Variants in SLC24A2 observed in about 807,000 individuals in gnomAD.
SLC24A2 encodes the protein solute carrier family 24 member 2, also known as sodium/potassium/calcium exchanger 2.
In SLC24A2, 36 loss-of-function variants were observed where a neutral mutation model predicts 62.0. The ratio of observed to expected loss-of-function variants is 0.58; its 90% CI spans 0.44 to 0.77. The LOEUF is 0.77. Ranked by LOEUF, SLC24A2 falls within the 30% of genes least tolerant of loss-of-function variation. SLC24A2 has a pLI of 0.00. For missense variants in SLC24A2, 846 were observed against 817.9 expected (o/e 1.03, Z -0.42); for synonymous variants, 358 against 294.0 (o/e 1.22, Z -2.23).
chr9:20,079,482 C>T, the SLC24A2 span, among the ~76,000 whole-genome samples: 1 of 151,954 alleles, frequency 6.6e-6, no homozygotes, highest in Non-Finnish European at 1.5e-5. Context: ...TTTTGTTTTC[C>T]CACTTATTTT....
chr9:19,564,785 A>G, intron 7 of SLC24A2, among the ~76,000 whole-genome samples: 1 of 152,330 alleles, frequency 6.6e-6, no homozygotes, highest in Middle Eastern at 3.4e-3. Flanking sequence ...TTTCGAATCT[A>G]AGGAATTTGC....
the SLC24A2 span, among the ~76,000 whole-genome samples, chr9:19,907,048 C>T: frequency 6.6e-6 from 1 of 152,156 alleles, no homozygotes; most frequent in Non-Finnish European, 1.5e-5. Flanking sequence ...GACCAATATC[C>T]CTGATGAACA....
the SLC24A2 span, among the ~76,000 whole-genome samples, chr9:19,965,015 G>A: frequency 2.0e-5 from 3 of 152,142 alleles, no homozygotes; most frequent in Non-Finnish European, 4.4e-5. Context: ...AGAGACAACA[G>A]CCTTATGGAG....
chr9:19,650,028 A>G (rs1457964705), intron 2 of SLC24A2, among the ~76,000 whole-genome samples: 1 of 152,230 alleles, frequency 6.6e-6, no homozygotes, highest in Non-Finnish European at 1.5e-5. Flanking sequence ...TGGTGACATA[A>G]CATACACAGC....
the SLC24A2 span, among the ~76,000 whole-genome samples, chr9:19,979,005 T>C: frequency 6.6e-6 from 1 of 152,190 alleles, no homozygotes; most frequent in African/African-American, 2.4e-5. Context: ...TGTTGGCATG[T>C]GTGTGCTCCG....
the SLC24A2 span, among the ~76,000 whole-genome samples, chr9:19,961,419 T>G: frequency 6.6e-6 from 1 of 151,804 alleles, no homozygotes; most frequent in African/African-American, 2.4e-5. Context: ...GTTAAAAGCC[T>G]TTTTTTTCTT....
chr9:20,241,771 GCAAGC>G, the SLC24A2 span, among the ~76,000 whole-genome samples: 1 of 152,032 alleles, frequency 6.6e-6, no homozygotes, highest in Non-Finnish European at 1.5e-5. Flanking sequence ...GGTTGGGGGT[GCAAGC>G]CAAACCTGGG....
At chr9:20,080,091 A>G in the SLC24A2 span, among the ~76,000 whole-genome samples, 3 of 152,226 alleles carry the variant, frequency 2.0e-5, no homozygotes, top group African/African-American at 7.2e-5. Flanking sequence ...CCATCAAGCT[A>G]CCAATGACTT....
the SLC24A2 span, among the ~76,000 whole-genome samples, chr9:20,103,406 C>T: frequency 6.6e-6 from 1 of 152,198 alleles, no homozygotes; most frequent in Non-Finnish European, 1.5e-5. Context: ...CAAGTGGGTC[C>T]CTGACCCCTG....
the SLC24A2 span, among the ~76,000 whole-genome samples, chr9:20,202,695 G>T: frequency 6.6e-6 from 1 of 152,146 alleles, no homozygotes; most frequent in African/African-American, 2.4e-5. Flanking sequence ...CTTGGAAGAA[G>T]AGGGGAGAAA....
intron 8 of SLC24A2, among the ~76,000 whole-genome samples, chr9:19,548,641 C>T (rs1586937764): frequency 2.6e-5 from 4 of 152,128 alleles, no homozygotes. Flanking sequence ...TGTGGCAAAC[C>T]AACAGGAATC....
rs1832639176 is a variant in SLC24A2, at chr9:19,509,614, G to T, written c.*6539C>A. 1 of 151,890 alleles carries T rather than the reference G, an allele frequency of 6.6e-6. No individual in the cohort carries two copies. Among genetic ancestry groups the T allele is most frequent in the Non-Finnish European group, 1.5e-5 (1 of 67,966 alleles). 9.4% of individuals were successfully genotyped at this position (151,890 alleles called of 1,614,324 possible). A position where few individuals can be genotyped will look rare whatever the true frequency, so the allele number is the denominator to read the frequency against. On this transcript the variant is annotated 3_prime_UTR_variant, in exon 11 of 11. Coordinates refer to ENST00000341998, the MANE Select transcript of SLC24A2 (RefSeq NM_020344.4). ...TCAGTTTTATTCTGATAAGAATTGG[G>T]GATTTGTTTAATTAAATGGCAAGAA...
At chr9:19,936,747 C>T in the SLC24A2 span, among the ~76,000 whole-genome samples, 38 of 152,240 alleles carry the variant, frequency 2.5e-4, 1 homozygote, top group South Asian at 7.5e-3. Context: ...ATTAAATGAG[C>T]TAAATCCTCC....
intron 2 of SLC24A2, among the ~76,000 whole-genome samples, chr9:19,706,908 A>G (rs1364042752): frequency 6.6e-6 from 1 of 151,984 alleles, no homozygotes; most frequent in Non-Finnish European, 1.5e-5. Context: ...CTAAAATCAG[A>G]GCAGAACTGA....
the SLC24A2 span, among the ~76,000 whole-genome samples, chr9:20,230,625 G>A: frequency 0.14 from 20,634 of 152,062 alleles, 1,657 homozygotes; most frequent in African/African-American, 0.22. Flanking sequence ...TGTAGATTCT[G>A]GATATTAGCC....
chr9:19,628,643 C>T (rs1818095793), intron 2 of SLC24A2, among the ~76,000 whole-genome samples: 1 of 152,162 alleles, frequency 6.6e-6, no homozygotes, highest in Admixed American at 6.5e-5. Context: ...CACGAATTTC[C>T]TTTGACTAGT....
the SLC24A2 span, among the ~76,000 whole-genome samples, chr9:20,288,741 CAA>C: frequency 0.045 from 3,514 of 78,728 alleles, 89 homozygotes; most frequent in African/African-American, 0.12. Context: ...GACTCTGTCT[CAA>C]AAAAAAAAAA....
At chr9:19,646,397 T>C (rs766325524) in intron 2 of SLC24A2, among the ~76,000 whole-genome samples, 3 of 152,212 alleles carry the variant, frequency 2.0e-5, no homozygotes, top group Non-Finnish European at 4.4e-5. Flanking sequence ...CTCAGCAGCA[T>C]GCAGGGGGCT....
At chr9:20,062,488 A>G in the SLC24A2 span, among the ~76,000 whole-genome samples, 1 of 113,328 alleles carries the variant, frequency 8.8e-6, no homozygotes, top group Non-Finnish European at 1.7e-5. Flanking sequence ...ACAAAAATCA[A>G]TTCAAGATGG....
Sources: gnomAD v4.1 joint callset for allele counts (sites outside exome capture counted in the v4.1 genomes callset) on GRCh38, gnomAD v4.1.1 for gene constraint, MANE v1.5 for transcripts, NCBI Gene and HGNC (gene_info 2026-07-23, HGNC 2026-07-21) for gene names.